Variants in WDR49 observed in about 807,000 individuals in gnomAD.
The protein encoded by WDR49 is cilia- and flagella-associated protein 337.
In WDR49, 107 loss-of-function variants were observed where a neutral mutation model predicts 119.5. The observed-to-expected ratio is 0.90, with a 90% CI of 0.77 to 1.05. WDR49 has a LOEUF of 1.05. WDR49 is among the 50% of genes least tolerant of loss of function. The pLI, the probability that WDR49 is intolerant of heterozygous loss-of-function variation, is 0.00. For synonymous variants in WDR49, 425 were observed against 418.8 expected, an observed-to-expected ratio of 1.01 and a Z score of -0.18; for missense variants, 1,240 against 1,220.5, an observed-to-expected ratio of 1.02 and a Z score of -0.24.
chr3:167,542,922 A>C (rs557697302), intron 10 of WDR49, among the ~76,000 whole-genome samples: 1 of 152,176 alleles, frequency 6.6e-6, no homozygotes, highest in Admixed American at 6.6e-5. Flanking sequence ...TAGAAGAGAG[A>C]AGATCCATAT....
At chr3:167,526,854 T>C (rs1183778092) in intron 15 of WDR49, among the ~76,000 whole-genome samples, 1 of 152,094 alleles carries the variant, frequency 6.6e-6, no homozygotes, top group Admixed American at 6.6e-5. Flanking sequence ...TGGCATAAGA[T>C]TGGCACCTGA....
rs57233824 is a variant in WDR49 at position 167,582,031 on chromosome 3, CGTGTGTGT to C, written c.1276-5888_1276-5881del. ...AAAAGGGAGAGTGTGGGCATGCTTC[CGTGTGTGT>C]GTGTGTGTGTGTGTGTGTGTGTGTG... On this transcript the variant is annotated intron_variant, in intron 7 of 18. Transcript: ENST00000682715. Among the ~76,000 whole-genome samples, 450 of 142,426 alleles carry C rather than the reference CGTGTGTGT, an allele frequency of 3.2e-3. 3 individuals carry two copies. The highest frequency in any genetic ancestry group is 0.01 in the African/African-American group (408 of 38,964). 93.4% of individuals were successfully genotyped at this position (142,426 alleles called of 152,430 possible).
At chr3:167,601,395 T>C (rs1207321322) in intron 7 of WDR49, among the ~76,000 whole-genome samples, 2 of 152,182 alleles carry the variant, frequency 1.3e-5, no homozygotes, top group Non-Finnish European at 2.9e-5. Flanking sequence ...AAGACTATCT[T>C]CAATACACTT....
At chr3:167,641,609 A>G (rs569682653) in intron 2 of WDR49, among the ~76,000 whole-genome samples, 1 of 152,132 alleles carries the variant, frequency 6.6e-6, no homozygotes, top group South Asian at 2.1e-4. Context: ...TCTTCTGGAT[A>G]TATTAACTTG....
rs1004250850 is a variant in WDR49 at position 167,536,732 on chromosome 3, T to TAC, written c.1954+136_1954+137dup. On this transcript the variant is annotated intron_variant, in intron 11 of 18. Coordinates refer to ENST00000682715, the MANE Select transcript of WDR49 (RefSeq NM_001366157.1). Reference sequence around the variant, plus strand: ...ACACACATATATATATATATATATATACACACACACACACATACATATACA... The same window carrying TAC: ...ACACACATATATATATATATATATATACACACACACACACACATACATATACA... 1.6e-3 allele frequency: 314 copies of TAC among 201,238 alleles called. 2 individuals carry two copies. Among genetic ancestry groups the TAC allele is most frequent in the South Asian group, 6.8e-3 (37 of 5,418 alleles). The allele number at this position is 201,238 out of a possible 1,614,324, so 12.5% of individuals were successfully genotyped here.
chr3:167,592,521 A>G (rs1236087280), intron 7 of WDR49, among the ~76,000 whole-genome samples: 2 of 146,132 alleles, frequency 1.4e-5, no homozygotes, highest in Non-Finnish European at 3.0e-5. Context: ...TGAAACCTCT[A>G]CCTCCTGGGT....
chr3:167,645,433 C>T (rs1160179684), intron 2 of WDR49, among the ~76,000 whole-genome samples: 1 of 152,058 alleles, frequency 6.6e-6, no homozygotes, highest in Non-Finnish European at 1.5e-5. Flanking sequence ...TAGTCTTGAA[C>T]TCCTGACCTC....
intron 5 of WDR49, among the ~76,000 whole-genome samples, chr3:167,616,974 G>T (rs1716626685): frequency 6.6e-6 from 1 of 152,102 alleles, no homozygotes; most frequent in Admixed American, 6.5e-5. Flanking sequence ...TTCCTTCTAG[G>T]CTTGGAAAGG....
intron 5 of WDR49, among the ~76,000 whole-genome samples, chr3:167,619,213 A>G (rs1716746915): frequency 1.3e-5 from 2 of 152,140 alleles, no homozygotes; most frequent in South Asian, 4.1e-4. Context: ...AGTCTTTGGC[A>G]TATGTATCTA....
chr3:167,540,902 A>G (rs1418498637), intron 10 of WDR49, among the ~76,000 whole-genome samples: 1 of 152,124 alleles, frequency 6.6e-6, no homozygotes. Context: ...AAAGATATAG[A>G]AAATGCACTG....
chr3:167,531,427 T>G, intron 12 of WDR49, 148 bp from the exon 13 acceptor site: 1 of 905,872 alleles, frequency 1.1e-6, no homozygotes, highest in Non-Finnish European at 1.7e-6. Flanking sequence ...TATCAAGCCT[T>G]CTGCTATTTC....
chr3:167,483,513 A>T (rs1750805145), intron 18 of WDR49, among the ~76,000 whole-genome samples: 1 of 152,176 alleles, frequency 6.6e-6, no homozygotes, highest in Non-Finnish European at 1.5e-5. Context: ...TAACAAACAG[A>T]TTATAAAAAG....
rs541053352 is a variant in WDR49, at chr3:167,621,453, C to T, written c.783+14G>A. The T allele has an allele frequency of 8.6e-6, 13 of 1,508,664 alleles. No homozygotes were observed. In the South Asian group the frequency reaches 1.1e-4, roughly 13 times the overall value. The allele number at this position is 1,508,664 out of a possible 1,614,324, so 93.5% of individuals were successfully genotyped here. ...TAAATCCATAGTATTCAATCTTAAT[C>T]TACCCTCACTTACCTTTCCAGTTAT... On this transcript the variant is annotated intron_variant, in intron 4 of 18. Coordinates refer to ENST00000682715, the MANE Select transcript of WDR49 (RefSeq NM_001366157.1).
intron 2 of WDR49, 27 bp from the exon 3 acceptor site, chr3:167,627,319 A>G (rs1230542913): frequency 1.6e-6 from 2 of 1,233,182 alleles, no homozygotes; most frequent in Non-Finnish European, 2.0e-6. Flanking sequence ...AAAAACAATA[A>G]TGAGACAACA....
intron 14 of WDR49, among the ~76,000 whole-genome samples, chr3:167,528,347 G>T (rs1752711099): frequency 6.6e-6 from 1 of 151,726 alleles, no homozygotes; most frequent in Admixed American, 6.6e-5. Context: ...AATATTATTA[G>T]AAAATTGAGC....
rs957770848 is a variant in WDR49 at position 167,639,633 on chromosome 3, A to G, written c.166-12341T>C. ...CTTTATAATGATATACTTACTTTTC[A>G]CATATAAACTTTGAATCGATAAGAT... On this transcript the variant is annotated intron_variant, in intron 2 of 18. Coordinates refer to ENST00000682715, the MANE Select transcript of WDR49 (RefSeq NM_001366157.1). Among the ~76,000 whole-genome samples the G allele has an allele frequency of 2.4e-4, 37 of 151,802 alleles. 1 individual carries two copies. The highest frequency in any genetic ancestry group is 7.7e-4 in the African/African-American group (32 of 41,394).
At position 167,560,164 on chromosome 3, in the gene WDR49, T is replaced by C; in HGVS notation, c.1574A>G (p.Lys525Arg). 6.2e-7 allele frequency: 1 copy of C among 1,614,184 alleles called. No individual in the cohort carries two copies. Among genetic ancestry groups the C allele is most frequent in the Non-Finnish European group, 8.5e-7 (1 of 1,180,014 alleles). ...GTTGCCGTGGCAACCAGTAAACTGT[T>C]TGATTTTCTGCCCAGTGTCTATCAT... ...FWMIDTGQKI[K>R]QFTGCHGNAE... The change falls in exon 9 of 19, where the codon AAA (lysine) becomes AGA (arginine). Residue 525 changes from lysine to arginine, a missense_variant. By Grantham distance (26) the Lys-to-Arg change is conservative. Transcript: ENST00000682715.
chr3:167,492,729 A>G (rs938889269), intron 18 of WDR49, among the ~76,000 whole-genome samples: 1 of 152,156 alleles, frequency 6.6e-6, no homozygotes, highest in African/African-American at 2.4e-5. Context: ...AAGTAGTAGA[A>G]CCTTGTTTTG....
chr3:167,490,678 C>G lies in WDR49; in HGVS notation c.3031+9475G>C, dbSNP rs1751101117. ...GGCTAATGTGAAACATTGTGTGTTT[C>G]AATAAAACACTATGTATTGTCTCCA... On this transcript the variant is annotated intron_variant, in intron 18 of 18. Transcript: ENST00000682715. 2.0e-5 allele frequency among the ~76,000 whole-genome samples: 3 copies of G among 152,132 alleles called. No individual in the cohort carries two copies. The South Asian group carries it at 6.2e-4, about 32-fold the overall frequency.
Sources: allele counts gnomAD v4.1 joint callset (sites outside exome capture counted in the v4.1 genomes callset), GRCh38; gene constraint gnomAD v4.1.1; transcripts MANE v1.5; gene names NCBI Gene and HGNC (gene_info 2026-07-23, HGNC 2026-07-21).